The following RGS6 variants were observed in gnomAD, a reference collection of about 807,000 sequenced individuals.
RGS6 encodes regulator of G protein signaling 6.
RGS6 carries 30 observed loss-of-function variants against 78.5 expected under a neutral mutation model. That is an observed-to-expected ratio of 0.38 (90% CI 0.29 to 0.52). The LOEUF (loss-of-function observed/expected upper bound fraction) is 0.52. Ranked by LOEUF, RGS6 falls within the 20% of genes least tolerant of loss-of-function variation. The probability of loss-of-function intolerance (pLI) is 0.85; values close to 1 mark genes in which losing one functional copy is unlikely to be tolerated. For synonymous variants in RGS6, 206 were observed against 206.0 expected, an observed-to-expected ratio of 1.00 and a Z score of 0.00; for missense variants, 495 against 609.7, an observed-to-expected ratio of 0.81 and a Z score of 1.98.
downstream of RGS6, among the ~76,000 whole-genome samples, chr14:72,569,232 C>T (rs1190836187): frequency 1.3e-5 from 2 of 152,126 alleles, no homozygotes; most frequent in African/African-American, 4.8e-5. Flanking sequence ...CAAACATATA[C>T]AATCATATAA....
intron 3 of RGS6, among the ~76,000 whole-genome samples, chr14:72,437,034 A>G (rs1421849934): frequency 6.6e-6 from 1 of 151,914 alleles, no homozygotes; most frequent in Admixed American, 6.6e-5. Context: ...ATTGTCAACA[A>G]TCATGGCCAG....
the RGS6 span, among the ~76,000 whole-genome samples, chr14:72,593,202 A>G: frequency 6.6e-6 from 1 of 152,202 alleles, no homozygotes; most frequent in Non-Finnish European, 1.5e-5. Flanking sequence ...CCATGCTGCC[A>G]TTCAAGTAAG....
At chr14:72,216,587 CAT>C (rs1240410094) in intron 2 of RGS6, among the ~76,000 whole-genome samples, 4 of 152,288 alleles carry the variant, frequency 2.6e-5, no homozygotes, top group East Asian at 1.9e-4. Context: ...AAAATACAAA[CAT>C]GTGCACATCT....
chr14:72,290,031 A>G (rs1341963919), intron 2 of RGS6, among the ~76,000 whole-genome samples: 1 of 152,240 alleles, frequency 6.6e-6, no homozygotes, highest in Non-Finnish European at 1.5e-5. Context: ...CAAGACAGAT[A>G]GAACTTTCCA....
intron 17 of RGS6, among the ~76,000 whole-genome samples, chr14:72,546,925 T>C (rs2097414451): frequency 6.6e-6 from 1 of 152,146 alleles, no homozygotes; most frequent in Admixed American, 6.5e-5. Context: ...CCACCCACTC[T>C]CAGGAAAGGT....
At chr14:72,500,256 T>C (rs771871822) in intron 13 of RGS6, among the ~76,000 whole-genome samples, 3 of 152,346 alleles carry the variant, frequency 2.0e-5, no homozygotes, top group East Asian at 1.9e-4. Context: ...TAATCTAGGA[T>C]AGCTACAGTG....
intron 2 of RGS6, among the ~76,000 whole-genome samples, chr14:72,059,562 C>G (rs538659048): frequency 6.6e-6 from 1 of 152,126 alleles, no homozygotes; most frequent in Non-Finnish European, 1.5e-5. Context: ...AGAGAGTGGT[C>G]ATTGTTTCGC....
At chr14:72,065,580 A>G (rs922543963) in intron 2 of RGS6, among the ~76,000 whole-genome samples, 1 of 152,110 alleles carries the variant, frequency 6.6e-6, no homozygotes, top group African/African-American at 2.4e-5. Context: ...CTATTGCCAT[A>G]TTCTTCTTGT....
At chr14:72,472,682 A>G (rs1225136631) in intron 8 of RGS6, among the ~76,000 whole-genome samples, 190 bp from the exon 9 acceptor site, 1 of 152,158 alleles carries the variant, frequency 6.6e-6, no homozygotes, top group African/African-American at 2.4e-5. Context: ...CATGTGTGGA[A>G]TTCCTGAGGT....
At chr14:72,012,544 C>T (rs1437119281) in intron 2 of RGS6, among the ~76,000 whole-genome samples, 2 of 152,082 alleles carry the variant, frequency 1.3e-5, no homozygotes, top group Non-Finnish European at 2.9e-5. Flanking sequence ...CACCATTTTC[C>T]CCACTTCTCT....
chr14:72,092,640 C>G (rs1260522035), intron 2 of RGS6, among the ~76,000 whole-genome samples: 1 of 152,200 alleles, frequency 6.6e-6, no homozygotes, highest in Non-Finnish European at 1.5e-5. Flanking sequence ...CCTCAGCCCC[C>G]CAAATTGCTG....
At chr14:72,416,005 A>G (rs2332833) in intron 3 of RGS6, among the ~76,000 whole-genome samples, 71,088 of 151,718 alleles carry the variant, frequency 0.47, 17,408 homozygotes, top group East Asian at 0.62. Context: ...AAAATTAGCC[A>G]GGTGGGGTGT....
At chr14:72,540,018 A>AC in intron 16 of RGS6, 23 bp from the exon 17 acceptor site, 1 of 1,499,992 alleles carries the variant, frequency 6.7e-7, no homozygotes, top group Non-Finnish European at 8.8e-7. Flanking sequence ...TTTTCTCCCT[A>AC]CCCTTTTTTT....
chr14:72,042,550 G>T (rs183301806), intron 2 of RGS6, among the ~76,000 whole-genome samples: 33 of 152,112 alleles, frequency 2.2e-4, no homozygotes, highest in African/African-American at 7.7e-4. Flanking sequence ...TTTACATTTT[G>T]TATGTATCTG....
At chr14:72,460,033 A>C (rs1011980290) in intron 6 of RGS6, among the ~76,000 whole-genome samples, 21 of 152,142 alleles carry the variant, frequency 1.4e-4, no homozygotes, top group African/African-American at 5.1e-4. Context: ...GGCTTCAGGG[A>C]GGGCTGGATC....
At chr14:72,400,240 C>G (rs933542419) in intron 3 of RGS6, among the ~76,000 whole-genome samples, 1 of 152,198 alleles carries the variant, frequency 6.6e-6, no homozygotes, top group African/African-American at 2.4e-5. Flanking sequence ...ATTCAACATT[C>G]TTAAAGAAAA....
chr14:72,428,159 T>G (rs982985248), intron 3 of RGS6, among the ~76,000 whole-genome samples: 2 of 152,012 alleles, frequency 1.3e-5, no homozygotes, highest in East Asian at 3.8e-4. Flanking sequence ...AGAGGACTGA[T>G]TAAGGAAAGA....
At chr14:72,379,637 G>A (rs962961557) in intron 3 of RGS6, among the ~76,000 whole-genome samples, 11 of 151,904 alleles carry the variant, frequency 7.2e-5, no homozygotes, top group African/African-American at 2.4e-4. Context: ...AAAGACCTTT[G>A]TAAGGAAAAC....
chr14:72,211,664 A>G (rs1050108696), intron 2 of RGS6, among the ~76,000 whole-genome samples: 11 of 152,230 alleles, frequency 7.2e-5, no homozygotes, highest in African/African-American at 1.7e-4. Flanking sequence ...AAGATCCACA[A>G]TGACCCCCAA....
Sources: gnomAD v4.1 joint callset for allele counts (sites outside exome capture counted in the v4.1 genomes callset) on GRCh38, gnomAD v4.1.1 for gene constraint, MANE v1.5 for transcripts, NCBI Gene and HGNC (gene_info 2026-07-23, HGNC 2026-07-21) for gene names.